The following FAM153A variants were observed in gnomAD, a reference collection of about 807,000 sequenced individuals.
FAM153A encodes the protein family with sequence similarity 153 member A, also known as protein FAM153A.
A neutral mutation model predicts 48.1 loss-of-function variants in FAM153A; 12 were observed. The ratio of observed to expected loss-of-function variants is 0.25; its 90% CI spans 0.16 to 0.40. The LOEUF (loss-of-function observed/expected upper bound fraction) is 0.40, where lower values mean the gene tolerates loss of function less well. Among genes scored for constraint, FAM153A ranks in the 10% least tolerant of loss-of-function variants. The pLI, the probability that FAM153A is intolerant of heterozygous loss-of-function variation, is 1.00. For synonymous variants in FAM153A, 36 were observed against 118.2 expected, an observed-to-expected ratio of 0.30 and a Z score of 4.51; for missense variants, 111 against 345.8, an observed-to-expected ratio of 0.32 and a Z score of 5.38.
intron 25 of FAM153A, among the ~76,000 whole-genome samples, chr5:177,715,440 C>T (rs1451839132): frequency 6.6e-6 from 1 of 151,554 alleles, no homozygotes; most frequent in Non-Finnish European, 1.5e-5. Context: ...TCAGGTAGCA[C>T]AAATTGCATG....
At chr5:177,700,947 G>T in the FAM153A span, among the ~76,000 whole-genome samples, 3 of 151,902 alleles carry the variant, frequency 2.0e-5, no homozygotes, top group East Asian at 5.8e-4. Context: ...TGAATCTCAG[G>T]TCGAATTATA....
the FAM153A span, among the ~76,000 whole-genome samples, chr5:177,696,933 T>C: frequency 6.6e-6 from 1 of 151,974 alleles, no homozygotes; most frequent in South Asian, 2.1e-4. Context: ...CTAGGTTATT[T>C]GTATTTTCAT....
chr5:177,699,371 A>G, the FAM153A span, among the ~76,000 whole-genome samples: 1 of 151,500 alleles, frequency 6.6e-6, no homozygotes. Context: ...AGAGGTAGAA[A>G]AACAATGGAA....
chr5:177,755,600 C>T (rs930513162), upstream of FAM153A, among the ~76,000 whole-genome samples: 13 of 151,700 alleles, frequency 8.6e-5, no homozygotes, highest in Non-Finnish European at 2.9e-5. Context: ...GTCGGGTTAC[C>T]CACAAAGGGA....
At chr5:177,709,210 G>A (rs1260440938), downstream of FAM153A, among the ~76,000 whole-genome samples, 400 of 143,726 alleles carry the variant, frequency 2.8e-3, 6 homozygotes, top group African/African-American at 9.8e-3. Context: ...TGTTCAACAC[G>A]GTAACTGCTT....
At chr5:177,705,205 G>C (rs1399181290), downstream of FAM153A, among the ~76,000 whole-genome samples, 1 of 151,414 alleles carries the variant, frequency 6.6e-6, no homozygotes, top group Non-Finnish European at 1.5e-5. Flanking sequence ...TCGGGAGGCT[G>C]TGGTGGGAGA....
chr5:177,716,108 C>T (rs867716732), intron 25 of FAM153A, among the ~76,000 whole-genome samples: 17 of 151,470 alleles, frequency 1.1e-4, no homozygotes, highest in South Asian at 6.2e-4. Context: ...CTCAGCCTCC[C>T]GAGTAGCTGG....
intron 14 of FAM153A, among the ~76,000 whole-genome samples, chr5:177,732,342 C>T (rs1425320728): frequency 3.5e-5 from 4 of 115,522 alleles, no homozygotes; most frequent in African/African-American, 1.1e-4. Flanking sequence ...CATGAAAGAG[C>T]CCATCTCAAA....
At chr5:177,753,173 T>C (rs1767265579) in intron 1 of FAM153A, 1 of 1,611,522 alleles carries the variant, frequency 6.2e-7, no homozygotes, top group Non-Finnish European at 8.5e-7. Context: ...TGAACATACA[T>C]ACCTTCAAGG....
the FAM153A span, among the ~76,000 whole-genome samples, chr5:177,696,272 G>C: frequency 5.5e-5 from 8 of 144,570 alleles, no homozygotes; most frequent in Non-Finnish European, 9.0e-5. Context: ...GGGTGGCCAG[G>C]CAGGGGCACT....
the FAM153A span, among the ~76,000 whole-genome samples, chr5:177,696,189 C>T: frequency 0.044 from 4,592 of 103,364 alleles, 424 homozygotes; most frequent in East Asian, 0.17. Context: ...CTAGATGGGG[C>T]GGCCGGGCAG....
chr5:177,757,692 T>C (rs1767881049), upstream of FAM153A, among the ~76,000 whole-genome samples: 1 of 151,412 alleles, frequency 6.6e-6, no homozygotes, highest in Non-Finnish European at 1.5e-5. Flanking sequence ...TCAATAAACG[T>C]AATCCAGCAT....
chr5:177,766,046 G>A lies in FAM153A; in HGVS notation c.-57+14403C>T, dbSNP rs190715898. 9.0e-3 allele frequency among the ~76,000 whole-genome samples: 977 copies of A among 109,002 alleles called. 173 individuals carry two copies. The highest frequency in any genetic ancestry group is 0.028 in the African/African-American group (935 of 33,090). 71.5% of individuals were successfully genotyped at this position (109,002 alleles called of 152,430 possible). Reference sequence around the variant, plus strand: ...GCAGGAGAATCGCTTGAACTCGGGCGGCAGAGGTTGCATTGAGCCAAGATT... The same window carrying A: ...GCAGGAGAATCGCTTGAACTCGGGCAGCAGAGGTTGCATTGAGCCAAGATT... On this transcript the variant is annotated intron_variant, in intron 1 of 8. Coordinates refer to the FAM153A transcript ENST00000393518.
downstream of FAM153A, among the ~76,000 whole-genome samples, chr5:177,704,853 A>G (rs1161254227): frequency 6.6e-6 from 1 of 151,370 alleles, no homozygotes; most frequent in African/African-American, 2.5e-5. Context: ...ACAAAAAATC[A>G]GCTGGACATG....
chr5:177,756,947 CAT>C (rs1164416994), upstream of FAM153A, among the ~76,000 whole-genome samples: 2 of 121,954 alleles, frequency 1.6e-5, 1 homozygote, highest in Non-Finnish European at 3.7e-5. Context: ...CAAGAGCAAA[CAT>C]ATTCAAAAGC....
chr5:177,761,346 A>T (rs1294849698), intron 1 of FAM153A, among the ~76,000 whole-genome samples: 4 of 151,936 alleles, frequency 2.6e-5, no homozygotes, highest in Middle Eastern at 3.4e-3. Context: ...CTGGCCGGAA[A>T]AGGGCAGGCC....
chr5:177,781,919 C>CG (rs1313904422), upstream of FAM153A, among the ~76,000 whole-genome samples: 8 of 85,508 alleles, frequency 9.4e-5, no homozygotes, highest in African/African-American at 3.5e-4. Context: ...TTAGTAGAGA[C>CG]GGGGTTTCAC....
At chr5:177,715,696 CTT>C (rs760639245) in intron 25 of FAM153A, among the ~76,000 whole-genome samples, 1 of 151,626 alleles carries the variant, frequency 6.6e-6, no homozygotes, top group African/African-American at 2.4e-5. Flanking sequence ...GGATTAAACA[CTT>C]TTTTTGTTAG....
At chr5:177,728,860 C>T (rs1298165947) in intron 18 of FAM153A, among the ~76,000 whole-genome samples, 163 bp downstream of exon 20, 2 of 146,410 alleles carry the variant, frequency 1.4e-5, no homozygotes, top group African/African-American at 2.6e-5. Flanking sequence ...AGCCACTGTG[C>T]CCGGTGTGAC....
Sources: allele counts gnomAD v4.1 joint callset (sites outside exome capture counted in the v4.1 genomes callset), GRCh38; gene constraint gnomAD v4.1.1; transcripts MANE v1.5; gene names NCBI Gene and HGNC (gene_info 2026-07-23, HGNC 2026-07-21).